MEMO1: variants seen among roughly 807,000 people sequenced by gnomAD.
MEMO1 encodes mediator of cell motility 1.
Under a neutral mutation model 45.2 loss-of-function variants are expected in MEMO1, and 6 were observed. The ratio of observed to expected loss-of-function variants is 0.13; its 90% CI spans 0.07 to 0.26. The LOEUF (loss-of-function observed/expected upper bound fraction) is 0.26, where lower values mean the gene tolerates loss of function less well. Ranked by LOEUF, MEMO1 falls within the 10% of genes least tolerant of loss-of-function variation. MEMO1 has a pLI of 1.00. For missense variants in MEMO1, 184 were observed against 370.5 expected, an observed-to-expected ratio of 0.50 and a Z score of 4.13; for synonymous variants, 78 against 124.3, an observed-to-expected ratio of 0.63 and a Z score of 2.48.
intron 3 of MEMO1, among the ~76,000 whole-genome samples, chr2:31,934,785 G>C (rs1056073426): frequency 2.0e-5 from 3 of 152,126 alleles, no homozygotes; most frequent in African/African-American, 7.2e-5. Context: ...GAAAAGCACT[G>C]GCACAAACTA....
chr2:31,915,570 AAAGAAG>A (rs35106636), intron 6 of MEMO1, among the ~76,000 whole-genome samples: 22 of 152,032 alleles, frequency 1.4e-4, no homozygotes, highest in African/African-American at 5.1e-4. Context: ...GGGGAAAAAA[AAAGAAG>A]AAGAAGTCTA....
Position 31,983,139 on chromosome 2 carries a change from T to C in MEMO1, c.61+27048A>G, listed in dbSNP as rs571702551. On this transcript the variant is annotated intron_variant, in intron 2 of 9. Coordinates refer to ENST00000404530, the MANE Select transcript of MEMO1 (RefSeq NM_001301833.4). The stretch of plus-strand genomic sequence containing the variant: ...AGCTGGGTGTGGTGATGGGCGCCTG[T>C]AGTCCCAGCTACTCGAGAGGCTGAG... Among the ~76,000 whole-genome samples, 10 of 151,572 alleles carry C rather than the reference T, an allele frequency of 6.6e-5. No individual in the cohort carries two copies. In the East Asian group the frequency reaches 1.8e-3, roughly 27 times the overall value.
chr2:31,885,858 T>C (rs1007406380), intron 7 of MEMO1, among the ~76,000 whole-genome samples: 1 of 152,230 alleles, frequency 6.6e-6, no homozygotes, highest in Non-Finnish European at 1.5e-5. Flanking sequence ...CTTTTCTGCT[T>C]AATTCCAAGT....
chr2:31,888,426 G>A (rs1676490687), intron 7 of MEMO1, among the ~76,000 whole-genome samples: 2 of 151,974 alleles, frequency 1.3e-5, no homozygotes, highest in African/African-American at 2.4e-5. Context: ...ATTTCAGGAA[G>A]GTCAGGAAAA....
At chr2:31,879,702 GTTC>G (rs1235097422) in intron 8 of MEMO1, among the ~76,000 whole-genome samples, 1 of 152,032 alleles carries the variant, frequency 6.6e-6, no homozygotes, top group Non-Finnish European at 1.5e-5. Context: ...AGATATTTTT[GTTC>G]TTTTCATACT....
At chr2:31,969,626 T>G (rs935444087) in intron 2 of MEMO1, among the ~76,000 whole-genome samples, 2 of 148,918 alleles carry the variant, frequency 1.3e-5, no homozygotes, top group Non-Finnish European at 3.0e-5. Flanking sequence ...TGTGTGTGTG[T>G]GTGTGTGTTT....
chr2:31,899,285 T>C (rs1678395888), intron 6 of MEMO1, among the ~76,000 whole-genome samples: 2 of 152,122 alleles, frequency 1.3e-5, no homozygotes, highest in Admixed American at 6.5e-5. Flanking sequence ...TTTCAAACTA[T>C]ACTACAAGGC....
intron 2 of MEMO1, among the ~76,000 whole-genome samples, chr2:31,983,427 T>A (rs1217466939): frequency 6.6e-6 from 1 of 152,082 alleles, no homozygotes; most frequent in East Asian, 1.9e-4. Context: ...GCCCAAATCT[T>A]AGTTTTTTGT....
chr2:31,940,821 C>T (rs1046373272), intron 3 of MEMO1, among the ~76,000 whole-genome samples: 1 of 152,204 alleles, frequency 6.6e-6, no homozygotes, highest in Non-Finnish European at 1.5e-5. Context: ...GCGTGAGTCA[C>T]TGCCCCTAGC....
At chr2:31,977,761 G>C (rs1572873281) in intron 2 of MEMO1, among the ~76,000 whole-genome samples, 1 of 152,020 alleles carries the variant, frequency 6.6e-6, no homozygotes, top group Non-Finnish European at 1.5e-5. Flanking sequence ...TCAAACTCTT[G>C]ACCTCAAATG....
chr2:31,942,063 TTACCA>T (rs1318525757), intron 3 of MEMO1, among the ~76,000 whole-genome samples: 4 of 152,192 alleles, frequency 2.6e-5, no homozygotes, highest in Non-Finnish European at 5.9e-5. Flanking sequence ...AGAAAAAATG[TTACCA>T]TGTGTTTCAA....
At chr2:31,953,895 A>G (rs1160615390) in intron 2 of MEMO1, among the ~76,000 whole-genome samples, 1 of 152,126 alleles carries the variant, frequency 6.6e-6, no homozygotes, top group Non-Finnish European at 1.5e-5. Flanking sequence ...CATTTAACCC[A>G]TGCTCCCATT....
chr2:31,888,804 A>T (rs78836066), intron 7 of MEMO1, among the ~76,000 whole-genome samples: 49 of 152,150 alleles, frequency 3.2e-4, no homozygotes, highest in Admixed American at 6.5e-4. Flanking sequence ...TTTTTGGGGA[A>T]CTCAAATGAG....
At chr2:31,984,790 A>G (rs1265873746) in intron 2 of MEMO1, among the ~76,000 whole-genome samples, 1 of 152,212 alleles carries the variant, frequency 6.6e-6, no homozygotes, top group Admixed American at 6.5e-5. Flanking sequence ...TGGGCGACAG[A>G]GCGAGACTCC....
chr2:31,988,460 T>C (rs1230838967), intron 2 of MEMO1, among the ~76,000 whole-genome samples: 1 of 151,970 alleles, frequency 6.6e-6, no homozygotes, highest in African/African-American at 2.4e-5. Flanking sequence ...GGCGGGAGAA[T>C]CCCTTGAACC....
intron 4 of MEMO1, among the ~76,000 whole-genome samples, chr2:31,926,777 G>A (rs1236650198): frequency 6.6e-6 from 1 of 151,884 alleles, no homozygotes; most frequent in African/African-American, 2.4e-5. Flanking sequence ...AACCCAGGAG[G>A]TGGAGGTTGC....
intron 2 of MEMO1, among the ~76,000 whole-genome samples, chr2:31,955,504 C>G (rs1667311681): frequency 6.6e-6 from 1 of 152,098 alleles, no homozygotes; most frequent in African/African-American, 2.4e-5. Context: ...ACTCTTAGAC[C>G]CTAGGTGATA....
intron 2 of MEMO1, among the ~76,000 whole-genome samples, chr2:31,972,854 T>C (rs879311925): frequency 2.6e-5 from 4 of 152,164 alleles, no homozygotes; most frequent in Non-Finnish European, 4.4e-5. Context: ...AGGACTTAAA[T>C]AGACATTTCT....
chr2:31,879,635 T>C (rs981143162), intron 8 of MEMO1, among the ~76,000 whole-genome samples: 5 of 152,234 alleles, frequency 3.3e-5, no homozygotes, highest in Non-Finnish European at 7.3e-5. Flanking sequence ...TTTTAAGATA[T>C]TTTATTAAAC....
Sources: gnomAD v4.1 joint callset for allele counts (sites outside exome capture counted in the v4.1 genomes callset) on GRCh38, gnomAD v4.1.1 for gene constraint, MANE v1.5 for transcripts, NCBI Gene and HGNC (gene_info 2026-07-23, HGNC 2026-07-21) for gene names.